UBE2U: variants seen among roughly 807,000 people sequenced by gnomAD.
UBE2U encodes ubiquitin-conjugating enzyme E2 U.
A neutral mutation model predicts 41.2 loss-of-function variants in UBE2U; 39 were observed. The observed-to-expected ratio is 0.95, with a 90% CI of 0.73 to 1.24. UBE2U has a LOEUF of 1.24. UBE2U is among the 50% of genes most tolerant of loss of function. The pLI is 0.00. For missense variants in UBE2U, 336 were observed against 363.1 expected, an observed-to-expected ratio of 0.93 and a Z score of 0.61; for synonymous variants, 107 against 117.8, an observed-to-expected ratio of 0.91 and a Z score of 0.60.
intron 6 of UBE2U, 120 bp downstream of exon 6, chr1:64,221,027 A>G: frequency 1.6e-6 from 1 of 644,210 alleles, no homozygotes; most frequent in Admixed American, 3.7e-5. Context: ...ATCTTATAAT[A>G]TCTTTTTAAA....
intron 6 of UBE2U, among the ~76,000 whole-genome samples, chr1:64,230,708 A>G (rs1034929554): frequency 7.2e-5 from 11 of 152,152 alleles, no homozygotes; most frequent in Non-Finnish European, 1.5e-4. Context: ...GGAGAGAAGT[A>G]TCTGTTCTTG....
At chr1:64,264,435 T>G (rs1260023937) in intron 9 of UBE2U, among the ~76,000 whole-genome samples, 1 of 152,218 alleles carries the variant, frequency 6.6e-6, no homozygotes, top group African/African-American at 2.4e-5. Context: ...AGGAGAGAAA[T>G]TCAAAATAAT....
chr1:64,209,211 A>G (rs568739640), intron 3 of UBE2U, among the ~76,000 whole-genome samples: 29 of 152,314 alleles, frequency 1.9e-4, no homozygotes, highest in African/African-American at 6.3e-4. Context: ...ATTAAATTCA[A>G]TGGGGGGAGG....
chr1:64,207,594 G>A (rs1286889543), intron 3 of UBE2U, among the ~76,000 whole-genome samples: 1 of 151,722 alleles, frequency 6.6e-6, no homozygotes, highest in African/African-American at 2.4e-5. Context: ...ATAAAAAAAC[G>A]ATGCACTGGA....
intron 7 of UBE2U, among the ~76,000 whole-genome samples, chr1:64,237,412 C>T (rs1184438736): frequency 6.6e-6 from 1 of 151,956 alleles, no homozygotes; most frequent in Non-Finnish European, 1.5e-5. Context: ...GGATGCTTTC[C>T]TACCACAGAT....
chr1:64,224,935 T>TCA (rs34259884), intron 6 of UBE2U, among the ~76,000 whole-genome samples: 9,712 of 146,810 alleles, frequency 0.066, 467 homozygotes, highest in African/African-American at 0.13. Context: ...TAGGATATTA[T>TCA]CACACACACA....
rs1557730355 is a variant in UBE2U, at chr1:64,239,133, A to AGG, written c.596-2519_596-2518insGG. ...GAAGAAGAAGAAGAAGAAGAAGAAGAAGAAGAAGAAGAAGAAGAAGAAGAA... is the reference window on the plus strand; with the variant it reads ...GAAGAAGAAGAAGAAGAAGAAGAAGAGGAGAAGAAGAAGAAGAAGAAGAAGAA... On this transcript the variant is annotated intron_variant, in intron 7 of 9. Transcript: ENST00000371077. Among the ~76,000 whole-genome samples the AGG allele has an allele frequency of 2.6e-3, 66 of 25,036 alleles. 2 individuals are homozygous for AGG. The highest frequency in any genetic ancestry group is 0.02 in the South Asian group (7 of 352). 16.4% of individuals were successfully genotyped at this position (25,036 alleles called of 152,430 possible).
At chr1:64,220,727 C>G (rs2100322188) in intron 5 of UBE2U, 132 bp from the exon 6 acceptor site, 2 of 711,470 alleles carry the variant, frequency 2.8e-6, no homozygotes, top group Middle Eastern at 6.9e-4. Flanking sequence ...CTTTCTTTTG[C>G]TCTCCTTGAG....
intron 3 of UBE2U, among the ~76,000 whole-genome samples, chr1:64,209,393 T>C (rs1023352318): frequency 6.6e-6 from 1 of 152,110 alleles, no homozygotes; most frequent in Admixed American, 6.5e-5. Context: ...ATTGAGCATA[T>C]GTGGCCCAGA....
At chr1:64,242,751 T>C (rs760021322) in intron 8 of UBE2U, among the ~76,000 whole-genome samples, 2 of 152,230 alleles carry the variant, frequency 1.3e-5, no homozygotes, top group Non-Finnish European at 2.9e-5. Flanking sequence ...GATATACTTT[T>C]CTGCTTTCAG....
chr1:64,214,738 T>C (rs1374228253), intron 4 of UBE2U, 77 bp from the exon 5 acceptor site: 1 of 1,030,674 alleles, frequency 9.7e-7, no homozygotes, highest in Admixed American at 1.8e-5. Flanking sequence ...TTATTGAAAG[T>C]TGTATATATT....
At chr1:64,215,802 C>T (rs1490503130) in intron 5 of UBE2U, among the ~76,000 whole-genome samples, 1 of 152,194 alleles carries the variant, frequency 6.6e-6, no homozygotes, top group Admixed American at 6.5e-5. Flanking sequence ...ACTCCATTGC[C>T]TCCATTGCCC....
At chr1:64,231,185 G>T (rs1644557355) in intron 6 of UBE2U, among the ~76,000 whole-genome samples, 1 of 152,092 alleles carries the variant, frequency 6.6e-6, no homozygotes, top group Non-Finnish European at 1.5e-5. Flanking sequence ...AATTGAACAG[G>T]ACACCCTGGG....
intron 8 of UBE2U, among the ~76,000 whole-genome samples, chr1:64,245,381 A>C (rs941781943): frequency 1.3e-5 from 2 of 152,190 alleles, no homozygotes; most frequent in South Asian, 4.1e-4. Context: ...ATATAAAACT[A>C]TGTTTGTGCC....
chr1:64,250,876 A>G (rs1369415549), intron 8 of UBE2U, among the ~76,000 whole-genome samples: 1 of 144,100 alleles, frequency 6.9e-6, no homozygotes, highest in Non-Finnish European at 1.5e-5. Flanking sequence ...GAACACATGG[A>G]CACAGGAAGG....
intron 9 of UBE2U, among the ~76,000 whole-genome samples, chr1:64,263,004 T>C (rs1645202434): frequency 6.6e-6 from 1 of 151,816 alleles, no homozygotes; most frequent in East Asian, 1.9e-4. Flanking sequence ...AAAATTGTCA[T>C]GTTTTTATCT....
At chr1:64,251,950 G>T (rs565471841) in intron 8 of UBE2U, among the ~76,000 whole-genome samples, 2 of 152,290 alleles carry the variant, frequency 1.3e-5, no homozygotes, top group East Asian at 3.9e-4. Context: ...CGCTAGCTTG[G>T]AGCTCCAGCC....
At chr1:64,224,552 G>A (rs1006057296) in intron 6 of UBE2U, among the ~76,000 whole-genome samples, 12 of 151,912 alleles carry the variant, frequency 7.9e-5, no homozygotes, top group Admixed American at 1.3e-4. Context: ...ATGAAACCCC[G>A]TCTCTACTAA....
chr1:64,235,868 A>T (rs189835609), intron 7 of UBE2U, among the ~76,000 whole-genome samples: 231 of 152,218 alleles, frequency 1.5e-3, no homozygotes, highest in Middle Eastern at 6.8e-3. Context: ...ATTATTAAGC[A>T]CCTAATATAT....
Sources: allele counts gnomAD v4.1 joint callset (sites outside exome capture counted in the v4.1 genomes callset), GRCh38; gene constraint gnomAD v4.1.1; transcripts MANE v1.5; gene names NCBI Gene and HGNC (gene_info 2026-07-23, HGNC 2026-07-21).